SPEF2: variants seen among roughly 807,000 people sequenced by gnomAD.
The protein encoded by SPEF2 is sperm flagella and cilia-associated protein 2.
SPEF2 carries 187 observed loss-of-function variants against 224.6 expected under a neutral mutation model. The observed-to-expected ratio is 0.83, with a 90% CI of 0.74 to 0.94. SPEF2 has a LOEUF of 0.94. Ranked by LOEUF, SPEF2 falls within the 40% of genes least tolerant of loss-of-function variation. SPEF2 has a pLI of 0.00. For missense variants in SPEF2, 2,170 were observed against 2,135.6 expected, an observed-to-expected ratio of 1.02 and a Z score of -0.32; for synonymous variants, 715 against 707.3, an observed-to-expected ratio of 1.01 and a Z score of -0.17.
At chr5:35,736,465 CAGAG>C (rs1378492440) in intron 21 of SPEF2, among the ~76,000 whole-genome samples, 3 of 131,290 alleles carry the variant, frequency 2.3e-5, no homozygotes, top group Admixed American at 7.4e-5. Context: ...AGGCAAGTGA[CAGAG>C]TGTGTGTGTG....
chr5:35,647,629 G>A (rs1051442254), intron 5 of SPEF2, among the ~76,000 whole-genome samples: 3 of 152,068 alleles, frequency 2.0e-5, no homozygotes, highest in Non-Finnish European at 2.9e-5. Flanking sequence ...TTTCACATGC[G>A]GTTTTCAGGG....
At chr5:35,635,572 C>A (rs1164854648) in intron 2 of SPEF2, among the ~76,000 whole-genome samples, 3 of 152,102 alleles carry the variant, frequency 2.0e-5, no homozygotes, top group African/African-American at 2.4e-5. Context: ...TTCTCAATCA[C>A]CAAAAACGTC....
At chr5:35,679,370 A>G (rs944568864) in intron 10 of SPEF2, among the ~76,000 whole-genome samples, 5 of 152,200 alleles carry the variant, frequency 3.3e-5, no homozygotes, top group African/African-American at 4.8e-5. Context: ...GAGCATGCCA[A>G]TGATCAAAAC....
intron 1 of SPEF2, among the ~76,000 whole-genome samples, chr5:35,624,617 C>T (rs1387546158): frequency 6.6e-6 from 1 of 152,092 alleles, no homozygotes; most frequent in Non-Finnish European, 1.5e-5. Flanking sequence ...CTCAATCTCT[C>T]TCTCTCTCTG....
intron 2 of SPEF2, among the ~76,000 whole-genome samples, chr5:35,631,689 G>A (rs1745155357): frequency 6.6e-6 from 1 of 152,126 alleles, no homozygotes; most frequent in Admixed American, 6.5e-5. Flanking sequence ...CCAAAAAGTA[G>A]AAACAACTCA....
intron 23 of SPEF2, among the ~76,000 whole-genome samples, chr5:35,743,336 A>C (rs1747980895): frequency 6.6e-6 from 1 of 152,146 alleles, no homozygotes; most frequent in African/African-American, 2.4e-5. Flanking sequence ...CAGGCAATAA[A>C]GGCAGAGAAA....
chr5:35,742,640 T>G (rs1747841428), intron 23 of SPEF2, among the ~76,000 whole-genome samples: 1 of 151,930 alleles, frequency 6.6e-6, no homozygotes, highest in African/African-American at 2.4e-5. Flanking sequence ...CATTTTCTCC[T>G]AAGTTTAATG....
chr5:35,663,741 C>T (rs1263956847), intron 8 of SPEF2, among the ~76,000 whole-genome samples: 1 of 151,974 alleles, frequency 6.6e-6, no homozygotes, highest in African/African-American at 2.4e-5. Context: ...TTAAATCAAC[C>T]CTAAGTTTTA....
intron 30 of SPEF2, chr5:35,788,337 T>C (rs948969526): frequency 1.4e-6 from 1 of 702,906 alleles, no homozygotes; most frequent in African/African-American, 1.7e-5. Context: ...ATGAAAGGTG[T>C]TGATATTGGC....
intron 1 of SPEF2, among the ~76,000 whole-genome samples, chr5:35,624,727 C>T (rs949821395): frequency 2.3e-4 from 35 of 152,156 alleles, no homozygotes; most frequent in African/African-American, 8.2e-4. Context: ...ACCTCCGCCT[C>T]CTGGGTTCAA....
chr5:35,741,228 G>A (rs1747579100), intron 23 of SPEF2, among the ~76,000 whole-genome samples: 1 of 152,184 alleles, frequency 6.6e-6, no homozygotes, highest in South Asian at 2.1e-4. Context: ...GAGCAAGAAA[G>A]CAAAGCAAGG....
chr5:35,679,957 T>G (rs1752562640), intron 10 of SPEF2, among the ~76,000 whole-genome samples: 3 of 152,208 alleles, frequency 2.0e-5, no homozygotes, highest in Admixed American at 1.3e-4. Flanking sequence ...AGGGATTTAT[T>G]TTTCCCTAAA....
Position 35,668,220 on chromosome 5 carries a change from T to A in SPEF2, c.1355+961T>A, listed in dbSNP as rs999673879. On this transcript the variant is annotated intron_variant, in intron 9 of 36. Coordinates refer to ENST00000356031, the MANE Select transcript of SPEF2 (RefSeq NM_024867.4). ...AAAAACCTGTATACAAATGTTTATA[T>A]CACCTTTATTTGTAATAGCTTAAAA... Among the ~76,000 whole-genome samples the A allele has an allele frequency of 4.6e-5, 7 of 152,298 alleles. No individual in the cohort carries two copies. In the East Asian group the frequency reaches 1.3e-3, roughly 29 times the overall value.
chr5:35,666,067 G>A (rs1422802206), intron 8 of SPEF2, among the ~76,000 whole-genome samples: 1 of 152,106 alleles, frequency 6.6e-6, no homozygotes, highest in African/African-American at 2.4e-5. Context: ...CTGACTTTGA[G>A]GAAATGGAGG....
intron 5 of SPEF2, 123 bp downstream of exon 5, chr5:35,646,930 TC>T: frequency 1.9e-6 from 2 of 1,035,300 alleles, no homozygotes; most frequent in Non-Finnish European, 2.8e-6. Context: ...TCTGACCTTG[TC>T]CTTTCTCATT....
Position 35,667,124 on chromosome 5 carries a change from A to G in SPEF2, c.1220A>G (p.Lys407Arg), listed in dbSNP as rs112296667. 2.3e-5 allele frequency: 37 copies of G among 1,610,616 alleles called. No individual in the cohort carries two copies. In the African/African-American group the frequency reaches 4.3e-4, roughly 19 times the overall value. ...TTTGAAGAACAATTCCTTAAAGAAA[A>G]GAGATTTCATGATCAGATTGCTGTG... ...IDFEEQFLKE[K>R]RFHDQIAVER... is the part of the protein sequence containing the mutation. Residue 407 changes from lysine (K) to arginine (R), a missense_variant, in exon 9 of 37, where the codon AAG (lysine) becomes AGG (arginine). Lys to Arg is a conservative substitution (Grantham distance 26). Coordinates refer to ENST00000356031, the MANE Select transcript of SPEF2 (RefSeq NM_024867.4).
intron 11 of SPEF2, among the ~76,000 whole-genome samples, chr5:35,691,909 T>G (rs112584949): frequency 2.6e-5 from 4 of 151,948 alleles, no homozygotes; most frequent in African/African-American, 7.2e-5. Context: ...AAGCGATTCT[T>G]CTGCCTCAGC....
At chr5:35,792,823 C>G (rs1365427733) in intron 31 of SPEF2, among the ~76,000 whole-genome samples, 2 of 152,222 alleles carry the variant, frequency 1.3e-5, no homozygotes, top group Non-Finnish European at 2.9e-5. Context: ...GAGCATTCCC[C>G]CATGGGCCAC....
At chr5:35,736,468 AGTGTGTGTGT>A (rs139387194) in intron 21 of SPEF2, among the ~76,000 whole-genome samples, 1 of 149,130 alleles carries the variant, frequency 6.7e-6, no homozygotes, top group Admixed American at 6.7e-5. Flanking sequence ...CAAGTGACAG[AGTGTGTGTGT>A]GTGTGTGTGT....
Sources: gnomAD v4.1 joint callset for allele counts (sites outside exome capture counted in the v4.1 genomes callset) on GRCh38, gnomAD v4.1.1 for gene constraint, MANE v1.5 for transcripts, NCBI Gene and HGNC (gene_info 2026-07-23, HGNC 2026-07-21) for gene names.